The following ANXA6 variants were observed in gnomAD, a reference collection of about 807,000 sequenced individuals.
The protein encoded by ANXA6 is 67 kDa calelectrin.
In ANXA6, 71 loss-of-function variants were observed where a neutral mutation model predicts 95.4. That is an observed-to-expected ratio of 0.74 (90% CI 0.61 to 0.91). The LOEUF (loss-of-function observed/expected upper bound fraction) is 0.91, where lower values mean the gene tolerates loss of function less well. ANXA6 is among the 40% of genes least tolerant of loss of function. The pLI is 0.00. For missense variants in ANXA6, 830 were observed against 876.4 expected (o/e 0.95, Z 0.67); for synonymous variants, 289 against 315.9 (o/e 0.91, Z 0.90).
intron 1 of ANXA6, 128 bp from the exon 2 acceptor site, chr5:151,148,054 A>G: frequency 4.6e-6 from 4 of 863,280 alleles, no homozygotes; most frequent in Non-Finnish European, 7.5e-6. Context: ...AGACCCAATG[A>G]CCCAGCTCAA....
intron 2 of ANXA6, 81 bp from the exon 3 acceptor site, chr5:151,140,324 T>C: frequency 8.4e-7 from 1 of 1,190,060 alleles, no homozygotes; most frequent in South Asian, 1.3e-5. Flanking sequence ...GTCAGATGCC[T>C]ACCCTGGTCC....
intron 17 of ANXA6, among the ~76,000 whole-genome samples, chr5:151,120,983 T>TCA (rs10627025): frequency 0.049 from 7,494 of 152,252 alleles, 338 homozygotes; most frequent in South Asian, 0.19. Context: ...TGGAAAGGAT[T>TCA]CAGTTGGGTT....
At chr5:151,143,624 G>A (rs1765893852) in intron 2 of ANXA6, among the ~76,000 whole-genome samples, 1 of 152,066 alleles carries the variant, frequency 6.6e-6, no homozygotes, top group Admixed American at 6.6e-5. Context: ...AGACAGTGTG[G>A]CAGATACGAT....
At chr5:151,115,136 A>G (rs1019944621) in intron 20 of ANXA6, among the ~76,000 whole-genome samples, 2 of 152,248 alleles carry the variant, frequency 1.3e-5, no homozygotes, top group Admixed American at 1.3e-4. Flanking sequence ...GATATCGTTG[A>G]TTTAAAAATG....
Position 151,132,621 on chromosome 5 carries a change from G to A in ANXA6, c.641-50C>T, listed in dbSNP as rs76400787. The A allele has an allele frequency of 6.6e-3, 9,703 of 1,468,936 alleles. 39 individuals are homozygous for A. The highest frequency in any genetic ancestry group is 8.0e-3 in the Non-Finnish European group (8,576 of 1,072,246). The allele number at this position is 1,468,936 out of a possible 1,614,324, so 91.0% of individuals were successfully genotyped here. A position where few individuals can be genotyped will look rare whatever the true frequency, so the allele number is the denominator to read the frequency against. ...GGTTTGAGAGTGCCTCTGTACCCCCGAGAAGAAATGAGGACTTCAAGAGCA... is the reference window on the plus strand; with the variant it reads ...GGTTTGAGAGTGCCTCTGTACCCCCAAGAAGAAATGAGGACTTCAAGAGCA... On this transcript the variant is annotated intron_variant, in intron 9 of 25. Transcript: ENST00000354546.
chr5:151,122,208 A>G lies in ANXA6; in HGVS notation c.1286T>C (p.Ile429Thr). ...SEISGDLARL[I>T]LGLMMPPAHY... ...GGCCGGTGGCATCATGAGCCCCAGAATCAGCCTTGCCAGGTCTCCAGAGAT... is the reference window on the plus strand; with the variant it reads ...GGCCGGTGGCATCATGAGCCCCAGAGTCAGCCTTGCCAGGTCTCCAGAGAT... Residue 429 changes from isoleucine (I) to threonine (T), a missense_variant, in exon 17 of 26, where the codon ATT becomes ACT. Ile to Thr is a moderately conservative substitution (Grantham distance 89). Coordinates refer to ENST00000354546, the MANE Select transcript of ANXA6 (RefSeq NM_001155.5). The G allele has an allele frequency of 6.2e-7, 1 of 1,604,872 alleles. No individual in the cohort carries two copies. The highest frequency in any genetic ancestry group is 8.5e-7 in the Non-Finnish European group (1 of 1,176,644).
At chr5:151,142,250 G>A (rs1382397930) in intron 2 of ANXA6, among the ~76,000 whole-genome samples, 2 of 152,124 alleles carry the variant, frequency 1.3e-5, no homozygotes, top group Non-Finnish European at 2.9e-5. Context: ...GAGGCTAGAC[G>A]GGAGACCACT....
intron 25 of ANXA6, among the ~76,000 whole-genome samples, chr5:151,102,329 G>A (rs80098505): frequency 2.6e-5 from 4 of 152,252 alleles, no homozygotes; most frequent in East Asian, 3.9e-4. Context: ...CCATAGTCTC[G>A]TTAGCCAAGT....
chr5:151,151,762 G>A (rs13167723), intron 1 of ANXA6, among the ~76,000 whole-genome samples: 17,241 of 152,146 alleles, frequency 0.11, 982 homozygotes, highest in African/African-American at 0.12. Context: ...ATCTCCACCC[G>A]CCAATATGCA....
intron 25 of ANXA6, among the ~76,000 whole-genome samples, chr5:151,102,457 A>G (rs1764575882): frequency 6.6e-6 from 1 of 152,196 alleles, no homozygotes; most frequent in South Asian, 2.1e-4. Flanking sequence ...TAATCCCAGC[A>G]CTTTGGGAGG....
At chr5:151,120,416 CAAA>C (rs35091535) in intron 17 of ANXA6, among the ~76,000 whole-genome samples, 3,413 of 131,978 alleles carry the variant, frequency 0.026, 92 homozygotes, top group East Asian at 0.11. Context: ...GCTACAACTA[CAAA>C]AAAAAAAAAA....
intron 6 of ANXA6, among the ~76,000 whole-genome samples, 174 bp downstream of exon 6, chr5:151,137,057 C>A (rs1366234994): frequency 6.6e-6 from 1 of 152,194 alleles, no homozygotes; most frequent in African/African-American, 2.4e-5. Flanking sequence ...TCCCGAGAAC[C>A]TAGCACATCA....
At chr5:151,126,688 T>C (rs943601793) in intron 13 of ANXA6, among the ~76,000 whole-genome samples, 3 of 151,934 alleles carry the variant, frequency 2.0e-5, no homozygotes, top group African/African-American at 7.2e-5. Context: ...CTTCCATCTC[T>C]TGAGACCCCC....
chr5:151,137,196 T>G (rs1765687986), intron 6 of ANXA6, 35 bp downstream of exon 6: 1 of 1,568,694 alleles, frequency 6.4e-7, no homozygotes, highest in Non-Finnish European at 8.8e-7. Context: ...ATTTTGTATC[T>G]GAAGATCCTA....
chr5:151,108,375 G>A, intron 23 of ANXA6, 80 bp downstream of exon 23: 2 of 1,311,826 alleles, frequency 1.5e-6, no homozygotes, highest in South Asian at 2.4e-5. Flanking sequence ...AGCTTCGGAG[G>A]CTGCCAAGGT....
intron 20 of ANXA6, among the ~76,000 whole-genome samples, chr5:151,115,039 A>C (rs189162318): frequency 2.4e-4 from 36 of 152,360 alleles, no homozygotes. Flanking sequence ...ATAATTCATG[A>C]ATGTGATAAA....
intron 23 of ANXA6, among the ~76,000 whole-genome samples, 161 bp from the exon 24 acceptor site, chr5:151,105,464 C>T (rs1265258029): frequency 6.6e-6 from 1 of 152,174 alleles, no homozygotes; most frequent in Non-Finnish European, 1.5e-5. Context: ...TGCTCCCCTT[C>T]CCCATGCTTC....
At chr5:151,114,282 G>A (rs1481077242) in intron 20 of ANXA6, among the ~76,000 whole-genome samples, 1 of 152,040 alleles carries the variant, frequency 6.6e-6, no homozygotes, top group Non-Finnish European at 1.5e-5. Context: ...TCAATAGTGG[G>A]GTAAATGAAT....
chr5:151,147,003 G>A (rs56117591), intron 2 of ANXA6, among the ~76,000 whole-genome samples: 33,791 of 151,994 alleles, frequency 0.22, 4,450 homozygotes, highest in Non-Finnish European at 0.29. Flanking sequence ...GAAATCCTGC[G>A]CTCAAGTGAT....
Sources: allele counts gnomAD v4.1 joint callset (sites outside exome capture counted in the v4.1 genomes callset), GRCh38; gene constraint gnomAD v4.1.1; transcripts MANE v1.5; gene names NCBI Gene and HGNC (gene_info 2026-07-23, HGNC 2026-07-21).